The following SPATS1 variants were observed in gnomAD, a reference collection of about 807,000 sequenced individuals.
The protein encoded by SPATS1 is spermatogenesis associated serine rich 1, also known as spermatogenesis-associated serine-rich protein 1.
SPATS1 carries 23 observed loss-of-function variants against 33.6 expected under a neutral mutation model. That is an observed-to-expected ratio of 0.68 (90% CI 0.49 to 0.97). SPATS1 has a LOEUF of 0.97. Ranked by LOEUF, SPATS1 falls within the 50% of genes least tolerant of loss-of-function variation. SPATS1 has a pLI of 0.00. For synonymous variants in SPATS1, 131 were observed against 125.6 expected, an observed-to-expected ratio of 1.04 and a Z score of -0.29; for missense variants, 327 against 361.0, an observed-to-expected ratio of 0.91 and a Z score of 0.76.
Position 44,377,085 on chromosome 6 carries a change from A to T in SPATS1, c.*22A>T, listed in dbSNP as rs553320721. The T allele has an allele frequency of 6.2e-7, 1 of 1,614,196 alleles. No homozygotes were observed. The highest frequency in any genetic ancestry group is 1.3e-5 in the African/African-American group (1 of 75,062). Reference sequence around the variant, plus strand: ...CTGAGCATAAACAGGCCCACAAAACATGTGCTGACTGCACTCTGGCGACCC... The same window carrying T: ...CTGAGCATAAACAGGCCCACAAAACTTGTGCTGACTGCACTCTGGCGACCC... On this transcript the variant is annotated 3_prime_UTR_variant, in exon 9 of 9. Transcript: ENST00000674044.
chr6:44,376,860 G>C (rs1789994479), intron 8 of SPATS1, among the ~76,000 whole-genome samples, 175 bp from the exon 9 acceptor site: 1 of 152,180 alleles, frequency 6.6e-6, no homozygotes, highest in African/African-American at 2.4e-5. Context: ...ATTTTGAGAG[G>C]CTTCACAGTG....
Position 44,368,377 on chromosome 6 carries a change from A to C in SPATS1, c.575-2A>C. 1 of 1,612,590 alleles carries C rather than the reference A, an allele frequency of 6.2e-7. No individual in the cohort carries two copies. Among genetic ancestry groups the C allele is most frequent in the Non-Finnish European group, 8.5e-7 (1 of 1,179,344 alleles). ...GATTTTGTTTTCAAACCTTCTCCAC[A>C]GATATTGATCCCAGGAATGGAATCC... is the stretch of plus-strand genomic sequence containing the variant. On this transcript the variant is annotated splice_acceptor_variant, in intron 5 of 8. Coordinates refer to ENST00000674044, the MANE Select transcript of SPATS1 (RefSeq NM_001372081.1). LOFTEE classifies it high-confidence loss of function.
At chr6:44,368,978 G>C (rs1050122527) in intron 6 of SPATS1, among the ~76,000 whole-genome samples, 3 of 150,166 alleles carry the variant, frequency 2.0e-5, no homozygotes, top group Non-Finnish European at 4.4e-5. Context: ...CTCACTGCAA[G>C]CTCTGCCTCC....
At chr6:44,373,694 C>T (rs1789762702) in intron 7 of SPATS1, among the ~76,000 whole-genome samples, 1 of 152,096 alleles carries the variant, frequency 6.6e-6, no homozygotes, top group Admixed American at 6.5e-5. Context: ...ATAAAGTTGC[C>T]AAGTCTTCTC....
intron 3 of SPATS1, among the ~76,000 whole-genome samples, chr6:44,356,569 G>A (rs1788601541): frequency 6.6e-6 from 1 of 152,212 alleles, no homozygotes; most frequent in Non-Finnish European, 1.5e-5. Context: ...AACTGTGGGA[G>A]GATCCACTTC....
Position 44,352,728 on chromosome 6 carries a change from G to A in SPATS1, c.142G>A (p.Ala48Thr). The change falls in exon 3 of 9, where the codon GCT becomes ACT. Residue 48 changes from alanine to threonine, a missense_variant and splice_region_variant. Physicochemically the swap from Ala to Thr is moderately conservative, Grantham distance 58. Transcript: ENST00000674044. ...ATGGTGATATCTCTGTGTTACAGGTGCTAATTGCAGTGATTTTCTGGAATC... is the reference window on the plus strand; with the variant it reads ...ATGGTGATATCTCTGTGTTACAGGTACTAATTGCAGTGATTTTCTGGAATC... ...GMTEVERTYSANCSDFLESKG... is the reference protein window; with the variant it reads ...GMTEVERTYSTNCSDFLESKG... The A allele has an allele frequency of 6.2e-7, 1 of 1,613,848 alleles. No homozygotes were observed. Among genetic ancestry groups the A allele is most frequent in the Non-Finnish European group, 8.5e-7 (1 of 1,179,736 alleles).
In SPATS1 at chr6:44,380,117, T is replaced by C. The variant is rs1035271235; in HGVS notation, c.*3054T>C. Reference sequence around the variant, plus strand: ...CCAGCTAGAAAGAGGTTGAACCTGTTAGATGTAAAGATCCCCTTCACCTCA... The same window carrying C: ...CCAGCTAGAAAGAGGTTGAACCTGTCAGATGTAAAGATCCCCTTCACCTCA... On this transcript the variant is annotated 3_prime_UTR_variant, in exon 9 of 9. Coordinates refer to ENST00000674044, the MANE Select transcript of SPATS1 (RefSeq NM_001372081.1). Among the ~76,000 whole-genome samples the C allele has an allele frequency of 1.3e-5, 2 of 152,198 alleles. No individual in the cohort carries two copies. Among genetic ancestry groups the C allele is most frequent in the Non-Finnish European group, 2.9e-5 (2 of 68,028 alleles).
chr6:44,376,226 A>G, intron 7 of SPATS1, 132 bp from the exon 8 acceptor site: 1 of 605,724 alleles, frequency 1.7e-6, no homozygotes, highest in Non-Finnish European at 2.9e-6. Context: ...AACAACTAAC[A>G]TATTTTATTT....
chr6:44,366,195 G>C (rs1442702387), intron 5 of SPATS1, among the ~76,000 whole-genome samples: 1 of 151,306 alleles, frequency 6.6e-6, no homozygotes, highest in Non-Finnish European at 1.5e-5. Context: ...TGCGATCTCG[G>C]CTCACTGCAA....
rs750014250 is a variant in SPATS1 at position 44,343,430 on chromosome 6, A to G, written c.139+196A>G. 7.2e-6 allele frequency: 5 copies of G among 689,688 alleles called. No homozygotes were observed. The South Asian group carries it at 7.5e-5, about 10-fold the overall frequency. The allele number at this position is 689,688 out of a possible 1,614,324, so 42.7% of individuals were successfully genotyped here. A position where few individuals can be genotyped will look rare whatever the true frequency, so the allele number is the denominator to read the frequency against. ...TTGATTAGGCAGAGAGCACCACCAA[A>G]GCAGAGAGTCTCATAAATTACCTCA... On this transcript the variant is annotated intron_variant, in intron 2 of 8. Coordinates refer to ENST00000674044, the MANE Select transcript of SPATS1 (RefSeq NM_001372081.1).
At position 44,349,790 on chromosome 6, in the gene SPATS1, C is replaced by A. The variant is rs968243948; in HGVS notation, c.140-2936C>A. Among the ~76,000 whole-genome samples the A allele has an allele frequency of 1.1e-4, 16 of 152,204 alleles. 1 individual carries two copies. The highest frequency in any genetic ancestry group is 3.6e-4 in the African/African-American group (15 of 41,442). ...ATTAAGCAACTCATGATTTCCATTA[C>A]AATTTCTTCTTGTATGTGAATTATT... On this transcript the variant is annotated intron_variant, in intron 2 of 8. Transcript: ENST00000674044.
At chr6:44,346,828 G>A (rs1320547779) in intron 2 of SPATS1, among the ~76,000 whole-genome samples, 4 of 152,108 alleles carry the variant, frequency 2.6e-5, no homozygotes, top group African/African-American at 9.7e-5. Context: ...AATTCCTCAA[G>A]GATCTAGAAC....
chr6:44,376,943 TC>T (rs1790000262), intron 8 of SPATS1, 91 bp from the exon 9 acceptor site: 7 of 1,471,202 alleles, frequency 4.8e-6, no homozygotes, highest in African/African-American at 1.4e-5. Context: ...TGGGCAGATG[TC>T]ATAGCCAAGC....
rs201516935 is a variant in SPATS1, at chr6:44,354,448, A to AT, written c.287+1581dup. Among the ~76,000 whole-genome samples, 810 of 149,816 alleles carry AT rather than the reference A, an allele frequency of 5.4e-3. 9 individuals carry two copies. Among genetic ancestry groups the AT allele is most frequent in the African/African-American group, 0.019 (739 of 39,226 alleles). ...GTTTTTTATATGTGCAAGTAAACAT[A>AT]TTTTTTGCACATAAAATATATATTT... On this transcript the variant is annotated intron_variant, in intron 3 of 8. Coordinates refer to ENST00000674044, the MANE Select transcript of SPATS1 (RefSeq NM_001372081.1).
intron 5 of SPATS1, among the ~76,000 whole-genome samples, chr6:44,365,963 T>C (rs150130805): frequency 0.02 from 3,042 of 152,286 alleles, 47 homozygotes; most frequent in Non-Finnish European, 0.032. Context: ...CAAGGCCCCA[T>C]ATTGTACTTA....
At chr6:44,374,051 A>G (rs1021380349) in intron 7 of SPATS1, among the ~76,000 whole-genome samples, 1 of 152,224 alleles carries the variant, frequency 6.6e-6, no homozygotes, top group Admixed American at 6.5e-5. Context: ...CATGTTGCAG[A>G]GGAGGTGGTA....
chr6:44,343,170 C>T lies in SPATS1; in HGVS notation c.75C>T (p.Gly25=). ...RLPSISSTTC[G]RQLEKVPEKR... The stretch of plus-strand genomic sequence containing the variant: ...CCTCCATCTCAAGCACGACCTGCGG[C>T]AGACAGCTGGAGAAGGTTCCAGAAA... Residue 25 remains glycine (G), a synonymous_variant, in exon 2 of 9, where the codon GGC becomes GGT. Coordinates refer to ENST00000674044, the MANE Select transcript of SPATS1 (RefSeq NM_001372081.1). 1 of 1,614,108 alleles carries T rather than the reference C, an allele frequency of 6.2e-7. No homozygotes were observed.
chr6:44,364,351 T>C (rs770655024), intron 5 of SPATS1, among the ~76,000 whole-genome samples: 9 of 152,242 alleles, frequency 5.9e-5, no homozygotes, highest in African/African-American at 9.6e-5. Context: ...GGCCCACAGA[T>C]TGAAATTGGT....
chr6:44,379,599 C>CAA lies in SPATS1; in HGVS notation c.*2563_*2564dup, dbSNP rs55976441. On this transcript the variant is annotated 3_prime_UTR_variant, in exon 9 of 9. Transcript: ENST00000674044. Reference sequence around the variant, plus strand: ...TGGGCAACAGAGTGAGACTCTGTCTCAAAAAAAAAAAAAAAAAAAAAAAAA... The same window carrying CAA: ...TGGGCAACAGAGTGAGACTCTGTCTCAAAAAAAAAAAAAAAAAAAAAAAAAAA... Among the ~76,000 whole-genome samples, 51 of 54,736 alleles carry CAA rather than the reference C, an allele frequency of 9.3e-4. No individual in the cohort carries two copies. The highest frequency in any genetic ancestry group is 1.1e-3 in the Non-Finnish European group (35 of 32,090). 35.9% of individuals were successfully genotyped at this position (54,736 alleles called of 152,430 possible).
Sources: gnomAD v4.1 joint callset for allele counts (sites outside exome capture counted in the v4.1 genomes callset) on GRCh38, gnomAD v4.1.1 for gene constraint, MANE v1.5 for transcripts, NCBI Gene and HGNC (gene_info 2026-07-23, HGNC 2026-07-21) for gene names.